The following RIC3 variants were observed in gnomAD, a reference collection of about 807,000 sequenced individuals.
RIC3 encodes protein RIC-3.
Under a neutral mutation model 27.3 loss-of-function variants are expected in RIC3, and 28 were observed. The observed-to-expected ratio is 1.02, with a 90% CI of 0.76 to 1.41. The LOEUF is 1.41. Among genes scored for constraint, RIC3 ranks in the 40% most tolerant of loss-of-function variants. RIC3 has a pLI of 0.00. For synonymous variants in RIC3, 184 were observed against 160.4 expected (o/e 1.15, Z -1.11); for missense variants, 501 against 444.7 (o/e 1.13, Z -1.14).
At chr11:8,100,531 CT>C in the RIC3 span, 1 of 1,614,090 alleles carries the variant, frequency 6.2e-7, no homozygotes, top group Non-Finnish European at 8.5e-7. Flanking sequence ...TTCAAGGGGC[CT>C]CGGAAGATGA....
the RIC3 span, among the ~76,000 whole-genome samples, chr11:8,094,867 C>T: frequency 6.6e-6 from 1 of 152,194 alleles, no homozygotes; most frequent in Admixed American, 6.5e-5. Context: ...TGGAGCTGGC[C>T]GAGCACTCTG....
chr11:8,150,930 G>A (rs56938774), intron 1 of RIC3, among the ~76,000 whole-genome samples: 7,263 of 152,236 alleles, frequency 0.048, 270 homozygotes, highest in African/African-American at 0.1. Flanking sequence ...GGGACAGGTA[G>A]ATATTCACAT....
At chr11:8,129,186 G>C (rs928867945) in intron 4 of RIC3, among the ~76,000 whole-genome samples, 4 of 151,684 alleles carry the variant, frequency 2.6e-5, no homozygotes, top group South Asian at 4.2e-4. Context: ...TAGCTATTGA[G>C]ACATTTGTAT....
chr11:8,133,494 G>A (rs1184613521), intron 4 of RIC3, among the ~76,000 whole-genome samples: 2 of 152,172 alleles, frequency 1.3e-5, no homozygotes, highest in Non-Finnish European at 2.9e-5. Flanking sequence ...TAAAGAGCCA[G>A]GAGCCATGCT....
At chr11:8,122,976 G>C (rs892161190) in intron 5 of RIC3, among the ~76,000 whole-genome samples, 1 of 150,254 alleles carries the variant, frequency 6.7e-6, no homozygotes, top group African/African-American at 2.5e-5. Flanking sequence ...AATTAAAACA[G>C]TCAAGAAAGC....
At chr11:8,151,716 C>G (rs1252958807) in intron 1 of RIC3, among the ~76,000 whole-genome samples, 1 of 151,518 alleles carries the variant, frequency 6.6e-6, no homozygotes, top group Non-Finnish European at 1.5e-5. Context: ...GAGTTCAAGA[C>G]CAGCCTGGCC....
intron 4 of RIC3, among the ~76,000 whole-genome samples, chr11:8,134,603 G>T (rs535860074): frequency 6.6e-6 from 1 of 152,138 alleles, no homozygotes; most frequent in African/African-American, 2.4e-5. Context: ...CTAGTTTATA[G>T]TCCCATCAAC....
chr11:8,124,929 C>A lies in RIC3; in HGVS notation c.670+1730G>T, dbSNP rs548600903. 5.9e-5 allele frequency among the ~76,000 whole-genome samples: 9 copies of A among 152,212 alleles called. No individual in the cohort carries two copies. In the South Asian group the frequency reaches 1.7e-3, roughly 28 times the overall value. On this transcript the variant is annotated intron_variant, in intron 5 of 5. Coordinates refer to ENST00000309737, the MANE Select transcript of RIC3 (RefSeq NM_001206671.4). The stretch of plus-strand genomic sequence containing the variant: ...TCTAGAAAACATGGGAATTGGGAAA[C>A]CTTGGGTTAGCCAAATATTTCTTAA...
intron 5 of RIC3, among the ~76,000 whole-genome samples, chr11:8,116,433 G>A (rs1945871243): frequency 6.6e-6 from 1 of 151,024 alleles, no homozygotes; most frequent in African/African-American, 2.4e-5. Flanking sequence ...ATAGACAAAT[G>A]GGATTACTGA....
At chr11:8,166,139 C>A (rs1951675776) in intron 1 of RIC3, among the ~76,000 whole-genome samples, 1 of 152,124 alleles carries the variant, frequency 6.6e-6, no homozygotes, top group Non-Finnish European at 1.5e-5. Context: ...ATACATGTCT[C>A]CATTGTTCCC....
intron 5 of RIC3, among the ~76,000 whole-genome samples, chr11:8,117,544 G>C (rs1945984152): frequency 6.6e-6 from 1 of 152,208 alleles, no homozygotes; most frequent in Non-Finnish European, 1.5e-5. Flanking sequence ...TCAGAAGCTA[G>C]GGGGATCAGG....
rs115932116 is a variant in RIC3 at position 8,157,315 on chromosome 11, G to A, written c.124+11551C>T. On this transcript the variant is annotated intron_variant, in intron 1 of 5. Coordinates refer to ENST00000309737, the MANE Select transcript of RIC3 (RefSeq NM_001206671.4). ...AGTTGGCCCTCCCTTTAGATAAACT[G>A]TTAAGATACCAGTCCTAGAATTTGC... is the stretch of plus-strand genomic sequence containing the variant. Among the ~76,000 whole-genome samples the A allele has an allele frequency of 4.0e-3, 608 of 152,304 alleles. 5 individuals are homozygous for A. Among genetic ancestry groups the A allele is most frequent in the African/African-American group, 0.014 (574 of 41,572 alleles).
intron 2 of RIC3, 174 bp downstream of exon 2, chr11:8,139,793 T>C (rs924919313): frequency 1.1e-5 from 7 of 630,270 alleles, no homozygotes; most frequent in African/African-American, 5.5e-5. Context: ...ACATTTCTTA[T>C]GTGAAACTGA....
intron 4 of RIC3, among the ~76,000 whole-genome samples, chr11:8,127,129 G>A (rs79063293): frequency 6.6e-6 from 1 of 152,262 alleles, no homozygotes; most frequent in East Asian, 1.9e-4. Flanking sequence ...TCAATGCCCT[G>A]ATTCTCTAAT....
intron 4 of RIC3, among the ~76,000 whole-genome samples, chr11:8,127,699 G>A (rs192717519): frequency 1.3e-5 from 2 of 152,300 alleles, no homozygotes; most frequent in East Asian, 3.9e-4. Flanking sequence ...CTAGCAGCAG[G>A]ATTTAATGGA....
At chr11:8,165,956 AC>A (rs1207914134) in intron 1 of RIC3, among the ~76,000 whole-genome samples, 4 of 151,910 alleles carry the variant, frequency 2.6e-5, no homozygotes, top group Non-Finnish European at 5.9e-5. Flanking sequence ...TTGAAAAAAA[AC>A]AAACTTATTT....
chr11:8,100,742 C>T, the RIC3 span: 26 of 1,574,166 alleles, frequency 1.7e-5, no homozygotes, highest in African/African-American at 2.3e-4. Flanking sequence ...AATCCAAGGA[C>T]CCCCATTCCC....
chr11:8,097,855 G>A, the RIC3 span: 2 of 1,578,378 alleles, frequency 1.3e-6, no homozygotes, highest in South Asian at 2.2e-5. Flanking sequence ...GAAGCAGGCG[G>A]GAGTGGGAGG....
chr11:8,112,144 T>G (rs1212926081), intron 5 of RIC3, among the ~76,000 whole-genome samples: 2 of 152,160 alleles, frequency 1.3e-5, no homozygotes, highest in Non-Finnish European at 2.9e-5. Context: ...TCATACAGAC[T>G]CATTTGTAGA....
Sources: allele counts gnomAD v4.1 joint callset (sites outside exome capture counted in the v4.1 genomes callset), GRCh38; gene constraint gnomAD v4.1.1; transcripts MANE v1.5; gene names NCBI Gene and HGNC (gene_info 2026-07-23, HGNC 2026-07-21).